Variants in CDH4 observed in about 807,000 individuals in gnomAD.
CDH4 encodes the protein cadherin-4.
CDH4 carries 33 observed loss-of-function variants against 86.0 expected under a neutral mutation model. The ratio of observed to expected loss-of-function variants is 0.38; its 90% confidence interval spans 0.29 to 0.51. The LOEUF is 0.51. Among genes scored for constraint, CDH4 ranks in the 20% least tolerant of loss-of-function variants. CDH4 has a pLI of 0.86. For synonymous variants in CDH4, 555 were observed against 549.4 expected, an observed-to-expected ratio of 1.01 and a Z score of -0.14; for missense variants, 1,114 against 1,307.4, an observed-to-expected ratio of 0.85 and a Z score of 2.28.
chr20:61,333,394 G>A (rs1040348613), intron 2 of CDH4, among the ~76,000 whole-genome samples: 4 of 152,216 alleles, frequency 2.6e-5, no homozygotes. Context: ...GGTGCGGGTT[G>A]TCAATGTGGC....
chr20:61,872,775 G>A (rs554211399), intron 6 of CDH4, among the ~76,000 whole-genome samples: 11 of 152,374 alleles, frequency 7.2e-5, no homozygotes, highest in East Asian at 3.9e-4. Context: ...AGAGCCCGCC[G>A]TGCCAGCATC....
At chr20:61,809,389 G>A (rs2146043912) in intron 4 of CDH4, among the ~76,000 whole-genome samples, 1 of 152,326 alleles carries the variant, frequency 6.6e-6, no homozygotes, top group Non-Finnish European at 1.5e-5. Context: ...ATGACACCCA[G>A]GAAGACAAGT....
intron 2 of CDH4, among the ~76,000 whole-genome samples, chr20:61,514,244 T>G (rs527660230): frequency 2.0e-5 from 3 of 152,080 alleles, no homozygotes; most frequent in Admixed American, 6.6e-5. Context: ...TATGACTTTC[T>G]TCAGACCCCT....
At chr20:61,825,902 C>G (rs890399512) in intron 4 of CDH4, among the ~76,000 whole-genome samples, 6 of 152,222 alleles carry the variant, frequency 3.9e-5, no homozygotes, top group Non-Finnish European at 8.8e-5. Context: ...TGCTTGATGC[C>G]TCTCTTCGCC....
Position 61,447,323 on chromosome 20 carries a change from A to ATT in CDH4, c.169+192407_169+192408dup, listed in dbSNP as rs71331923. On this transcript the variant is annotated intron_variant, in intron 2 of 15. Coordinates refer to ENST00000614565, the MANE Select transcript of CDH4 (RefSeq NM_001794.5). ...AGGCATGCGCCACCACGCCCAGCTG[A>ATT]TTTTTTTTTTTTTTTTTTTTTTGTA... Among the ~76,000 whole-genome samples the ATT allele has an allele frequency of 8.0e-3, 883 of 110,790 alleles. 13 individuals are homozygous for ATT. The highest frequency in any genetic ancestry group is 0.011 in the Middle Eastern group (2 of 176). 72.7% of individuals were successfully genotyped at this position (110,790 alleles called of 152,430 possible).
chr20:61,588,408 G>C (rs1387383106), intron 2 of CDH4, among the ~76,000 whole-genome samples: 1 of 152,224 alleles, frequency 6.6e-6, no homozygotes, highest in Non-Finnish European at 1.5e-5. Context: ...TTATTTCTCT[G>C]TTCTGTTCAG....
chr20:61,934,327 G>C (rs1600793791), intron 15 of CDH4, 107 bp downstream of exon 15: 2 of 1,279,864 alleles, frequency 1.6e-6, no homozygotes, highest in East Asian at 2.8e-5. Context: ...GGCTGCCGTG[G>C]GTGGGAGGCA....
chr20:61,351,880 C>T (rs1439060476), intron 2 of CDH4, among the ~76,000 whole-genome samples: 2 of 152,076 alleles, frequency 1.3e-5, no homozygotes, highest in Admixed American at 6.6e-5. Context: ...CCATACCAGG[C>T]TAATTTTTGT....
chr20:61,576,799 G>A (rs2086385611), intron 2 of CDH4, among the ~76,000 whole-genome samples: 1 of 152,182 alleles, frequency 6.6e-6, no homozygotes, highest in Admixed American at 6.5e-5. Context: ...TGAGTGCGTG[G>A]ATTTCTCTGT....
chr20:61,775,844 G>A (rs2088834828), intron 4 of CDH4, among the ~76,000 whole-genome samples: 1 of 152,220 alleles, frequency 6.6e-6, no homozygotes, highest in Non-Finnish European at 1.5e-5. Context: ...TCAGCCTGAT[G>A]ATCTAGGACT....
chr20:61,363,461 C>G (rs28449364), intron 2 of CDH4, among the ~76,000 whole-genome samples: 1 of 150,478 alleles, frequency 6.6e-6, no homozygotes, highest in Non-Finnish European at 1.5e-5. Context: ...ACACACACAC[C>G]TATGACAAAT....
chr20:61,626,909 T>C (rs1370669882), intron 2 of CDH4, among the ~76,000 whole-genome samples: 3 of 152,126 alleles, frequency 2.0e-5, no homozygotes, highest in Non-Finnish European at 4.4e-5. Context: ...TGCCTCCTGG[T>C]TCTTTGAGAG....
chr20:61,875,627 G>A (rs1174620768), intron 7 of CDH4, among the ~76,000 whole-genome samples: 3 of 152,166 alleles, frequency 2.0e-5, no homozygotes, highest in Non-Finnish European at 2.9e-5. Context: ...CTGGGGCTCC[G>A]AGTGAGCTGT....
At chr20:61,534,661 C>CTTTTTTTTTTTTTTTTT (rs2085981647) in intron 2 of CDH4, among the ~76,000 whole-genome samples, 1 of 89,304 alleles carries the variant, frequency 1.1e-5, no homozygotes, top group African/African-American at 7.6e-5. Flanking sequence ...TTCTTTCTTT[C>CTTTTTTTTTTTTTTTTT]TTTCTTTTTT....
intron 2 of CDH4, among the ~76,000 whole-genome samples, chr20:61,498,335 G>A (rs2085677441): frequency 6.6e-6 from 1 of 152,190 alleles, no homozygotes; most frequent in Non-Finnish European, 1.5e-5. Context: ...GTTTCAGAAT[G>A]TTCTAGCTCA....
intron 2 of CDH4, among the ~76,000 whole-genome samples, chr20:61,315,810 C>A (rs989842036): frequency 6.6e-6 from 1 of 152,236 alleles, no homozygotes; most frequent in Non-Finnish European, 1.5e-5. Flanking sequence ...CTCAAGCAAT[C>A]TTTCCACATA....
Position 61,518,972 on chromosome 20 carries a change from CCATCCATCCTT to C in CDH4, c.170-224581_170-224571del, listed in dbSNP as rs2085847771. 6.6e-6 allele frequency among the ~76,000 whole-genome samples: 1 copy of C among 152,206 alleles called. No individual in the cohort carries two copies. On this transcript the variant is annotated intron_variant, in intron 2 of 15. Coordinates refer to ENST00000614565, the MANE Select transcript of CDH4 (RefSeq NM_001794.5). The surrounding 1 kb of genome is among the most constrained non-coding windows in gnomAD (Gnocchi z 6.3). The stretch of plus-strand genomic sequence containing the variant: ...ATCTATCCATCCATTATTTATCCAT[CCATCCATCCTT>C]CATCCATCCATTCATCCATGCATTC...
rs183955556 is a variant in CDH4 at position 61,650,320 on chromosome 20, T to C, written c.170-93243T>C. Among the ~76,000 whole-genome samples the C allele has an allele frequency of 4.6e-5, 7 of 152,346 alleles. No individual in the cohort carries two copies. In the East Asian group the frequency reaches 1.4e-3, roughly 29 times the overall value. On this transcript the variant is annotated intron_variant, in intron 2 of 15. Transcript: ENST00000614565. ...GCGTGAAAACAGGGTCTGTGTTTTG[T>C]TCACCAGTGACTGCTTAGTGCTGTC...
intron 4 of CDH4, among the ~76,000 whole-genome samples, chr20:61,832,680 A>C (rs1413975338): frequency 6.6e-6 from 1 of 152,126 alleles, no homozygotes; most frequent in East Asian, 1.9e-4. Context: ...TGAGAACTGC[A>C]TGGGGGAACT....
Sources: allele counts gnomAD v4.1 joint callset (sites outside exome capture counted in the v4.1 genomes callset), GRCh38; gene constraint gnomAD v4.1.1; non-coding constraint Gnocchi (gnomAD v3.1); transcripts MANE v1.5; gene names NCBI Gene and HGNC (gene_info 2026-07-23, HGNC 2026-07-21).